Variants in FARS2 observed in about 807,000 individuals in gnomAD.
The protein encoded by FARS2 is phenylalanine--tRNA ligase, mitochondrial.
A neutral mutation model predicts 46.4 loss-of-function variants in FARS2; 40 were observed. The ratio of observed to expected loss-of-function variants is 0.86; its 90% CI spans 0.67 to 1.12. FARS2 has a LOEUF of 1.12. Among genes scored for constraint, FARS2 ranks in the 50% most tolerant of loss-of-function variants. The pLI is 0.00. For synonymous variants in FARS2, 234 were observed against 214.9 expected (o/e 1.09, Z -0.78); for missense variants, 513 against 567.9 (o/e 0.90, Z 0.98).
intron 5 of FARS2, chr6:5,609,808 C>T (rs1020208409): frequency 7.2e-6 from 9 of 1,242,662 alleles, no homozygotes; most frequent in Non-Finnish European, 9.3e-6. Flanking sequence ...TTTTTCCAAA[C>T]TGTTCAAAAT....
chr6:5,304,319 A>G (rs941659391), intron 1 of FARS2, among the ~76,000 whole-genome samples: 1 of 152,220 alleles, frequency 6.6e-6, no homozygotes, highest in African/African-American at 2.4e-5. Flanking sequence ...TTGTGATGCC[A>G]CATCATTAAT....
At chr6:5,351,951 C>T (rs1166094442) in intron 1 of FARS2, among the ~76,000 whole-genome samples, 2 of 152,078 alleles carry the variant, frequency 1.3e-5, no homozygotes, top group East Asian at 3.9e-4. Context: ...TAAAAAGATG[C>T]CACCATGTCT....
At chr6:5,499,154 C>T (rs1332470471) in intron 4 of FARS2, among the ~76,000 whole-genome samples, 6 of 152,126 alleles carry the variant, frequency 3.9e-5, no homozygotes, top group South Asian at 2.1e-4. Context: ...GAATCTTGGG[C>T]GAGGCGTGTA....
intron 4 of FARS2, among the ~76,000 whole-genome samples, chr6:5,503,999 A>T (rs1270808170): frequency 6.6e-6 from 1 of 152,232 alleles, no homozygotes; most frequent in Non-Finnish European, 1.5e-5. Flanking sequence ...CAGGAAATTC[A>T]GCATAGGCAG....
At chr6:5,726,244 C>T (rs538191259) in intron 6 of FARS2, among the ~76,000 whole-genome samples, 2 of 152,016 alleles carry the variant, frequency 1.3e-5, no homozygotes, top group South Asian at 4.2e-4. Context: ...TACACGTGTG[C>T]ATGTTTGAGG....
At chr6:5,504,695 A>G (rs1227014621) in intron 4 of FARS2, among the ~76,000 whole-genome samples, 2 of 152,232 alleles carry the variant, frequency 1.3e-5, no homozygotes, top group African/African-American at 4.8e-5. Context: ...ATACAGTTAC[A>G]AAACTGCTCA....
chr6:5,687,182 T>C (rs1158448510), intron 6 of FARS2, among the ~76,000 whole-genome samples: 1 of 152,248 alleles, frequency 6.6e-6, no homozygotes, highest in African/African-American at 2.4e-5. Flanking sequence ...TCTTTTGCTG[T>C]GCAGAAGCTC....
At position 5,530,362 on chromosome 6, in the gene FARS2, T is replaced by G. The variant is rs115468141; in HGVS notation, c.905-14818T>G. ...GGAATGGTCCTAGATTAATAAAGAC[T>G]AAAGAGACATGATATGTAAGTACAA... On this transcript the variant is annotated intron_variant, in intron 4 of 6. Transcript: ENST00000274680. Among the ~76,000 whole-genome samples the G allele has an allele frequency of 3.8e-3, 585 of 152,212 alleles. 4 individuals carry two copies. The highest frequency in any genetic ancestry group is 0.013 in the African/African-American group (557 of 41,524).
intron 6 of FARS2, among the ~76,000 whole-genome samples, chr6:5,723,694 T>A (rs1760060241): frequency 6.6e-6 from 1 of 152,238 alleles, no homozygotes; most frequent in Admixed American, 6.5e-5. Context: ...GAAAAGGTTG[T>A]TGAATCTGTT....
intron 6 of FARS2, among the ~76,000 whole-genome samples, chr6:5,691,173 CCTT>C (rs1282348622): frequency 3.3e-5 from 5 of 152,184 alleles, no homozygotes; most frequent in African/African-American, 7.2e-5. Context: ...TCGTCTGAAG[CCTT>C]CTTCTCTCAA....
In FARS2 at chr6:5,404,553, T is replaced by G. The variant is rs1761440657; in HGVS notation, c.624T>G (p.Gly208=). The G allele has an allele frequency of 2.5e-6, 4 of 1,599,726 alleles. No individual in the cohort carries two copies. Among genetic ancestry groups the G allele is most frequent in the Middle Eastern group, 1.7e-4 (1 of 5,846 alleles). Residue 208 remains glycine (G), a synonymous_variant, in exon 3 of 7, where the codon GGT becomes GGG. Transcript: ENST00000274680. The part of the protein sequence containing the change: ...RLFSKHELFA[G]IKDGESLQLF... ...CTGTTGGTTTACAGTTATTTGCTGG[T>G]ATAAAGGATGGAGAAAGCCTGCAGC...
At chr6:5,494,751 G>A (rs973570471) in intron 4 of FARS2, among the ~76,000 whole-genome samples, 2 of 152,080 alleles carry the variant, frequency 1.3e-5, no homozygotes, top group African/African-American at 4.8e-5. Flanking sequence ...TTTGAGGAAC[G>A]AAACTTCAAA....
intron 6 of FARS2, among the ~76,000 whole-genome samples, chr6:5,649,288 G>A (rs1360159269): frequency 6.6e-6 from 1 of 152,062 alleles, no homozygotes; most frequent in Non-Finnish European, 1.5e-5. Context: ...TTCTATTTAT[G>A]TCTTCACCAT....
chr6:5,415,568 C>T (rs772917126), intron 3 of FARS2, among the ~76,000 whole-genome samples: 78 of 151,382 alleles, frequency 5.2e-4, no homozygotes, highest in Non-Finnish European at 9.9e-4. Flanking sequence ...TCACCCACCT[C>T]GGCCTCCCAA....
At position 5,404,568 on chromosome 6, in the gene FARS2, A is replaced by G; in HGVS notation, c.639A>G (p.Glu213=). ...TATTTGCTGGTATAAAGGATGGAGA[A>G]AGCCTGCAGCTCTTTGAACAAAGTT... is the stretch of plus-strand genomic sequence containing the variant. ...HELFAGIKDG[E]SLQLFEQSSR... Residue 213 remains glutamate, a synonymous_variant, in exon 3 of 7, where the codon GAA becomes GAG. Transcript: ENST00000274680. 1.2e-6 allele frequency: 2 copies of G among 1,605,604 alleles called. No individual in the cohort carries two copies. Among genetic ancestry groups the G allele is most frequent in the Non-Finnish European group, 1.7e-6 (2 of 1,175,602 alleles).
rs70974187 is a variant in FARS2, at chr6:5,296,129, C to CTTTTTT, written c.-22+34494_-22+34499dup. Among the ~76,000 whole-genome samples, 301 of 55,076 alleles carry CTTTTTT rather than the reference C, an allele frequency of 5.5e-3. 62 individuals carry two copies. The highest frequency in any genetic ancestry group is 0.025 in the African/African-American group (284 of 11,298). 36.1% of individuals were successfully genotyped at this position (55,076 alleles called of 152,430 possible). ...CAAACATAAAAATTATCATTTTGGC[C>CTTTTTT]TTTTTTTTTTTTTTTTTTTTTTTTT... On this transcript the variant is annotated intron_variant, in intron 1 of 6. Coordinates refer to ENST00000274680, the MANE Select transcript of FARS2 (RefSeq NM_006567.5).
chr6:5,500,188 C>T (rs1767707603), intron 4 of FARS2, among the ~76,000 whole-genome samples: 1 of 152,156 alleles, frequency 6.6e-6, no homozygotes, highest in African/African-American at 2.4e-5. Flanking sequence ...CTCCCTCTCG[C>T]CCTCCCTCCC....
At chr6:5,666,241 A>G (rs1778113296) in intron 6 of FARS2, among the ~76,000 whole-genome samples, 2 of 152,324 alleles carry the variant, frequency 1.3e-5, no homozygotes, top group South Asian at 4.1e-4. Context: ...TTTATTTCCT[A>G]ACTAAAAGAA....
At chr6:5,698,291 C>G (rs1277540221) in intron 6 of FARS2, among the ~76,000 whole-genome samples, 2 of 152,078 alleles carry the variant, frequency 1.3e-5, no homozygotes, top group Non-Finnish European at 2.9e-5. Context: ...GGTGGAAGGC[C>G]GAGGGGCTGC....
Sources: gnomAD v4.1 joint callset for allele counts (sites outside exome capture counted in the v4.1 genomes callset) on GRCh38, gnomAD v4.1.1 for gene constraint, MANE v1.5 for transcripts, NCBI Gene and HGNC (gene_info 2026-07-23, HGNC 2026-07-21) for gene names.